Variants in AK2 observed in about 807,000 individuals in gnomAD.
AK2 encodes the protein adenylate kinase 2, mitochondrial.
Under a neutral mutation model 24.6 loss-of-function variants are expected in AK2, and 15 were observed. That is an observed-to-expected ratio of 0.61 (90% CI 0.41 to 0.94). AK2 has a LOEUF of 0.94. Among genes scored for constraint, AK2 ranks in the 40% least tolerant of loss-of-function variants. The pLI is 0.00. For synonymous variants in AK2, 102 were observed against 114.0 expected (o/e 0.90, Z 0.67); for missense variants, 257 against 304.1 (o/e 0.85, Z 1.15).
intron 1 of AK2, among the ~76,000 whole-genome samples, chr1:33,033,528 C>T (rs1334303517): frequency 6.6e-6 from 1 of 152,108 alleles, no homozygotes; most frequent in African/African-American, 2.4e-5. Context: ...ATAAAAGAAA[C>T]TTAAAATTAT....
In AK2 at chr1:33,010,609, T is replaced by A. The variant is rs1291681749; in HGVS notation, c.*2572A>T. ...TCCAAGCATGGTGTTTTTTAAAAAATTAATTTTTCCCTTACACTTTAAAAA... is the reference window on the plus strand; with the variant it reads ...TCCAAGCATGGTGTTTTTTAAAAAAATAATTTTTCCCTTACACTTTAAAAA... On this transcript the variant is annotated 3_prime_UTR_variant, in exon 6 of 6. Transcript: ENST00000672715. 1.5e-6 allele frequency: 2 copies of A among 1,304,758 alleles called. No homozygotes were observed. Among genetic ancestry groups the A allele is most frequent in the African/African-American group, 2.9e-5 (2 of 68,110 alleles). 80.8% of individuals were successfully genotyped at this position (1,304,758 alleles called of 1,614,324 possible). A position where few individuals can be genotyped will look rare whatever the true frequency, so the allele number is the denominator to read the frequency against.
chr1:33,012,221 C>T lies in AK2; in HGVS notation c.*960G>A, dbSNP rs1557608960. The T allele has an allele frequency of 6.5e-7, 1 of 1,535,344 alleles. No individual in the cohort carries two copies. Among genetic ancestry groups the T allele is most frequent in the African/African-American group, 1.4e-5 (1 of 73,128 alleles). ...TTCAAACCCAATTCCCAAATAATTG[C>T]TATTTTCAGCATCATGATGCAGATC... On this transcript the variant is annotated 3_prime_UTR_variant, in exon 6 of 6. Transcript: ENST00000672715.
At chr1:33,014,241 C>T (rs1557612911) in intron 5 of AK2, 14 of 367,374 alleles carry the variant, frequency 3.8e-5, no homozygotes, top group Non-Finnish European at 6.3e-5. Flanking sequence ...GGCCATGATG[C>T]CAGAAAAGGG....
chr1:33,033,731 T>C (rs937765127), intron 1 of AK2, among the ~76,000 whole-genome samples: 8 of 152,178 alleles, frequency 5.3e-5, no homozygotes, highest in African/African-American at 1.9e-4. Flanking sequence ...GGCCACCAGT[T>C]AATGGTTGGG....
chr1:33,026,891 C>T (rs770890056), intron 1 of AK2, among the ~76,000 whole-genome samples: 2 of 151,694 alleles, frequency 1.3e-5, no homozygotes, highest in African/African-American at 2.4e-5. Context: ...TTTGGGAGGC[C>T]GAGGCGGGTG....
intron 4 of AK2, among the ~76,000 whole-genome samples, chr1:33,014,819 A>T (rs1639080232): frequency 1.3e-5 from 2 of 152,212 alleles, no homozygotes; most frequent in African/African-American, 4.8e-5. Context: ...CTGGCTGAAG[A>T]GCAAACTGCT....
intron 2 of AK2, chr1:33,024,078 C>A (rs950224112): frequency 6.9e-6 from 2 of 288,046 alleles, no homozygotes; most frequent in African/African-American, 2.2e-5. Context: ...GGCTGAGGTA[C>A]AAGAATCGCT....
At chr1:33,015,236 C>G (rs1469676573) in intron 4 of AK2, among the ~76,000 whole-genome samples, 2 of 152,190 alleles carry the variant, frequency 1.3e-5, no homozygotes, top group Non-Finnish European at 2.9e-5. Flanking sequence ...TAGCCTAACC[C>G]TTATGGAGCA....
At chr1:33,022,599 T>C (rs1052469618) in intron 2 of AK2, among the ~76,000 whole-genome samples, 2 of 152,032 alleles carry the variant, frequency 1.3e-5, no homozygotes, top group African/African-American at 4.8e-5. Context: ...TCAAGTGATC[T>C]GCCTGTCTCA....
rs2124270503 is a variant in AK2, at chr1:33,011,884, T to G, written c.*1297A>C. ...GCTATAGCCATCATAAAATTAGGGG[T>G]GAAGGGTTGGATCTAGAAAGGAGAG... On this transcript the variant is annotated 3_prime_UTR_variant, in exon 6 of 6. Transcript: ENST00000672715. The G allele has an allele frequency of 6.5e-7, 1 of 1,529,242 alleles. No homozygotes were observed. The highest frequency in any genetic ancestry group is 2.5e-5 in the East Asian group (1 of 40,636). 94.7% of individuals were successfully genotyped at this position (1,529,242 alleles called of 1,614,324 possible). A position where few individuals can be genotyped will look rare whatever the true frequency, so the allele number is the denominator to read the frequency against.
intron 4 of AK2, among the ~76,000 whole-genome samples, 153 bp downstream of exon 4, chr1:33,021,214 G>A (rs1020700821): frequency 6.6e-6 from 1 of 151,872 alleles, no homozygotes; most frequent in Admixed American, 6.6e-5. Context: ...TCCATATCCC[G>A]ATCCCATCTC....
At chr1:33,014,126 T>C (rs1407605764) in intron 5 of AK2, among the ~76,000 whole-genome samples, 1 of 152,212 alleles carries the variant, frequency 6.6e-6, no homozygotes, top group Non-Finnish European at 1.5e-5. Context: ...AAAGAATATT[T>C]TTCTGGAGGA....
chr1:33,021,812 A>G, intron 2 of AK2, 109 bp from the exon 3 acceptor site: 1 of 829,708 alleles, frequency 1.2e-6, no homozygotes, highest in Non-Finnish European at 2.0e-6. Flanking sequence ...ATTACTAAAC[A>G]GCAAGTTTTC....
At chr1:33,033,212 G>A (rs1207054455) in intron 1 of AK2, among the ~76,000 whole-genome samples, 2 of 151,150 alleles carry the variant, frequency 1.3e-5, no homozygotes, top group Non-Finnish European at 2.9e-5. Context: ...CAAAACCCCA[G>A]GAAAAAAAGA....
chr1:33,025,042 G>A (rs1481869681), intron 1 of AK2, among the ~76,000 whole-genome samples: 2 of 152,020 alleles, frequency 1.3e-5, no homozygotes, highest in African/African-American at 4.8e-5. Context: ...AAAATTAGCT[G>A]GGTGTGGTGG....
At chr1:33,029,816 C>G (rs1640126929) in intron 1 of AK2, among the ~76,000 whole-genome samples, 1 of 152,242 alleles carries the variant, frequency 6.6e-6, no homozygotes, top group African/African-American at 2.4e-5. Flanking sequence ...GTAGTTGGGA[C>G]TATGGGCGCA....
intron 1 of AK2, among the ~76,000 whole-genome samples, chr1:33,032,738 T>A (rs1235661333): frequency 2.6e-5 from 4 of 152,092 alleles, no homozygotes; most frequent in African/African-American, 9.7e-5. Flanking sequence ...CTAAATTGAA[T>A]TAAGTATATA....
intron 5 of AK2, among the ~76,000 whole-genome samples, chr1:33,014,053 T>G (rs1221748856): frequency 6.6e-6 from 1 of 152,332 alleles, no homozygotes; most frequent in Middle Eastern, 3.4e-3. Flanking sequence ...AGACTCTTTA[T>G]GGCAAATGGT....
At chr1:33,029,540 G>C (rs1212958524) in intron 1 of AK2, 1 of 151,186 alleles carries the variant, frequency 6.6e-6, no homozygotes, top group East Asian at 1.9e-4. Flanking sequence ...TAGTCTCCCA[G>C]GTAGCTGGGA....
Sources: allele counts gnomAD v4.1 joint callset (sites outside exome capture counted in the v4.1 genomes callset), GRCh38; gene constraint gnomAD v4.1.1; transcripts MANE v1.5; gene names NCBI Gene and HGNC (gene_info 2026-07-23, HGNC 2026-07-21).